The following PATJ variants were observed in gnomAD, a reference collection of about 807,000 sequenced individuals.
PATJ encodes the protein PATJ crumbs cell polarity complex component, also known as inaD-like protein.
Under a neutral mutation model 224.9 loss-of-function variants are expected in PATJ, and 190 were observed. That is an observed-to-expected ratio of 0.84 (90% CI 0.75 to 0.95). PATJ has a LOEUF of 0.95. Ranked by LOEUF, PATJ falls within the 40% of genes least tolerant of loss-of-function variation. PATJ has a pLI of 0.00. For missense variants in PATJ, 2,121 were observed against 2,270.3 expected, an observed-to-expected ratio of 0.93 and a Z score of 1.34; for synonymous variants, 769 against 820.3, an observed-to-expected ratio of 0.94 and a Z score of 1.07.
chr1:62,147,434 C>T (rs1033199631), intron 41 of PATJ, among the ~76,000 whole-genome samples: 6 of 152,050 alleles, frequency 3.9e-5, no homozygotes, highest in African/African-American at 7.2e-5. Context: ...TCGAGACGGG[C>T]GGATCACTTG....
chr1:61,816,499 A>G (rs571781120), intron 14 of PATJ: 6 of 152,280 alleles, frequency 3.9e-5, no homozygotes, highest in Admixed American at 3.9e-4. Flanking sequence ...TGACGCACAA[A>G]TTCGTGAAGT....
At chr1:61,910,301 CACAA>C (rs1322156285) in intron 25 of PATJ, among the ~76,000 whole-genome samples, 1 of 152,134 alleles carries the variant, frequency 6.6e-6, no homozygotes, top group East Asian at 1.9e-4. Context: ...GTTTGGATGA[CACAA>C]ACAGTGCAAT....
chr1:61,895,602 A>C (rs915620935), intron 22 of PATJ, among the ~76,000 whole-genome samples: 2 of 152,076 alleles, frequency 1.3e-5, no homozygotes, highest in Non-Finnish European at 2.9e-5. Flanking sequence ...GAGCTTTGGG[A>C]GCCTCTGCCT....
At chr1:62,094,350 C>T (rs112099968) in intron 33 of PATJ, among the ~76,000 whole-genome samples, 7 of 152,182 alleles carry the variant, frequency 4.6e-5, no homozygotes, top group African/African-American at 1.7e-4. Flanking sequence ...GCTGTGGTGC[C>T]GCCACTGCAC....
In PATJ at chr1:61,766,187, C is replaced by G. The variant is rs1646259457; in HGVS notation, c.190-92C>G. ...CTTTTCCATGTATATATTTAATGTG[C>G]AAAGTATCTATGTAATGGTCAAAAT... On this transcript the variant is annotated intron_variant, in intron 3 of 43. Transcript: ENST00000642238. 3.7e-6 allele frequency: 3 copies of G among 806,618 alleles called. No homozygotes were observed. In the Admixed American group the frequency reaches 9.0e-5, roughly 24 times the overall value. 50.0% of individuals were successfully genotyped at this position (806,618 alleles called of 1,614,324 possible). A position where few individuals can be genotyped will look rare whatever the true frequency, so the allele number is the denominator to read the frequency against.
chr1:61,871,890 G>GA (rs1326930541), intron 20 of PATJ, among the ~76,000 whole-genome samples: 95 of 140,750 alleles, frequency 6.7e-4, no homozygotes, highest in African/African-American at 2.5e-3. Flanking sequence ...ATTTTTAGTA[G>GA]AGACGGGGTT....
intron 20 of PATJ, among the ~76,000 whole-genome samples, chr1:61,872,341 A>G (rs931899678): frequency 1.3e-5 from 2 of 152,148 alleles, no homozygotes; most frequent in Non-Finnish European, 2.9e-5. Context: ...ACCCGAGGCG[A>G]GCAAAAATCA....
chr1:62,088,441 A>G (rs1243878701), intron 33 of PATJ, among the ~76,000 whole-genome samples: 1 of 151,516 alleles, frequency 6.6e-6, no homozygotes, highest in Non-Finnish European at 1.5e-5. Context: ...CCTCTAAGCC[A>G]CTCTTCCCAA....
intron 31 of PATJ, among the ~76,000 whole-genome samples, chr1:62,059,840 G>C (rs570218263): frequency 6.6e-6 from 1 of 152,096 alleles, no homozygotes; most frequent in South Asian, 2.1e-4. Flanking sequence ...ATATACAGGA[G>C]TCAGAATGGA....
intron 7 of PATJ, among the ~76,000 whole-genome samples, chr1:61,783,106 G>A (rs368930977): frequency 1.0e-3 from 157 of 152,216 alleles, no homozygotes; most frequent in Middle Eastern, 3.4e-3. Flanking sequence ...AGTAAGGAAG[G>A]CCCAGCTTGA....
chr1:61,892,926 A>C (rs1669811259), intron 22 of PATJ, among the ~76,000 whole-genome samples: 1 of 145,564 alleles, frequency 6.9e-6, no homozygotes, highest in Non-Finnish European at 1.6e-5. Flanking sequence ...TTTCTAACTG[A>C]TTGAGCTATT....
chr1:61,807,044 C>T (rs529609740), intron 13 of PATJ, among the ~76,000 whole-genome samples: 1 of 152,066 alleles, frequency 6.6e-6, no homozygotes, highest in East Asian at 1.9e-4. Context: ...CCCAGCTACT[C>T]AGGAGGCTGA....
intron 20 of PATJ, among the ~76,000 whole-genome samples, chr1:61,873,357 A>G (rs1666905200): frequency 1.3e-5 from 2 of 151,804 alleles, no homozygotes; most frequent in South Asian, 2.1e-4. Flanking sequence ...TTTTGTAGAG[A>G]TGGGGTTTCG....
intron 29 of PATJ, among the ~76,000 whole-genome samples, chr1:62,020,173 A>T (rs996203624): frequency 2.6e-5 from 4 of 152,184 alleles, no homozygotes; most frequent in Non-Finnish European, 2.9e-5. Context: ...GTCTCAAAAA[A>T]AAAAAATTCT....
At position 61,776,437 on chromosome 1, in the gene PATJ, T is replaced by C. The variant is rs112798994; in HGVS notation, c.849+1103T>C. ...AACCGTTATAGTAATGATTGCATTA[T>C]TTTCTGCCATGTGCTTGCAACAAAA... On this transcript the variant is annotated intron_variant, in intron 7 of 43. Transcript: ENST00000642238. 1.9e-3 allele frequency among the ~76,000 whole-genome samples: 283 copies of C among 152,318 alleles called. 1 individual carries two copies. Among genetic ancestry groups the C allele is most frequent in the African/African-American group, 6.5e-3 (269 of 41,570 alleles).
At chr1:61,909,340 A>G (rs1672286605) in intron 25 of PATJ, among the ~76,000 whole-genome samples, 1 of 152,218 alleles carries the variant, frequency 6.6e-6, no homozygotes, top group African/African-American at 2.4e-5. Flanking sequence ...CTGATATGAA[A>G]TGTCAGTGGC....
At chr1:62,090,064 TATAA>T (rs1189014067) in intron 33 of PATJ, among the ~76,000 whole-genome samples, 3 of 152,204 alleles carry the variant, frequency 2.0e-5, no homozygotes, top group Admixed American at 1.3e-4. Flanking sequence ...TCCTCTCTGC[TATAA>T]ATAGTTTCTC....
At chr1:61,826,133 T>C (rs1042449406) in intron 15 of PATJ, among the ~76,000 whole-genome samples, 1 of 152,184 alleles carries the variant, frequency 6.6e-6, no homozygotes, top group Non-Finnish European at 1.5e-5. Flanking sequence ...CTTTACCATG[T>C]GGTGGTTTCT....
chr1:61,872,960 C>T (rs1055424768), intron 20 of PATJ, among the ~76,000 whole-genome samples: 6 of 152,092 alleles, frequency 3.9e-5, no homozygotes, highest in Non-Finnish European at 5.9e-5. Context: ...TTTTGTATAT[C>T]GGCTTATGAA....
Sources: gnomAD v4.1 joint callset for allele counts (sites outside exome capture counted in the v4.1 genomes callset) on GRCh38, gnomAD v4.1.1 for gene constraint, MANE v1.5 for transcripts, NCBI Gene and HGNC (gene_info 2026-07-23, HGNC 2026-07-21) for gene names.